The following NAALADL2 variants were observed in gnomAD, a reference collection of about 807,000 sequenced individuals.
The protein encoded by NAALADL2 is N-acetylated alpha-linked acidic dipeptidase like 2, also known as inactive N-acetylated-alpha-linked acidic dipeptidase-like protein 2.
Under a neutral mutation model 87.2 loss-of-function variants are expected in NAALADL2, and 76 were observed. That is an observed-to-expected ratio of 0.87 (90% CI 0.72 to 1.05). The LOEUF (loss-of-function observed/expected upper bound fraction) is 1.05, where lower values mean the gene tolerates loss of function less well. Among genes scored for constraint, NAALADL2 ranks in the 50% least tolerant of loss-of-function variants. The pLI is 0.00. For missense variants in NAALADL2, 1,089 were observed against 945.8 expected (o/e 1.15, Z -1.99); for synonymous variants, 354 against 331.0 (o/e 1.07, Z -0.75).
chr3:175,293,247 G>A (rs945068047), intron 4 of NAALADL2, among the ~76,000 whole-genome samples: 2 of 152,024 alleles, frequency 1.3e-5, no homozygotes, highest in Admixed American at 6.6e-5. Context: ...GATAGACATG[G>A]AGTTAAACTC....
intron 1 of NAALADL2, among the ~76,000 whole-genome samples, chr3:174,923,839 A>C (rs1735588970): frequency 6.6e-6 from 1 of 152,146 alleles, no homozygotes; most frequent in African/African-American, 2.4e-5. Context: ...GTAGAGGTAG[A>C]ATACAGAACC....
At chr3:175,411,552 A>G (rs762114195) in intron 5 of NAALADL2, among the ~76,000 whole-genome samples, 2 of 152,100 alleles carry the variant, frequency 1.3e-5, no homozygotes, top group Non-Finnish European at 2.9e-5. Flanking sequence ...AACTTGTAAT[A>G]AAATTGTATA....
At chr3:175,196,336 C>T (rs900695351) in intron 2 of NAALADL2, among the ~76,000 whole-genome samples, 12 of 151,818 alleles carry the variant, frequency 7.9e-5, no homozygotes, top group Non-Finnish European at 1.0e-4. Context: ...TAGTAAATGT[C>T]CTTTGTAAGC....
chr3:175,440,100 A>C (rs1364201577), intron 5 of NAALADL2, among the ~76,000 whole-genome samples: 2 of 152,164 alleles, frequency 1.3e-5, no homozygotes, highest in Non-Finnish European at 2.9e-5. Flanking sequence ...GTTATTCTAC[A>C]TGTGGCTTGC....
intron 1 of NAALADL2, among the ~76,000 whole-genome samples, chr3:174,535,922 C>A (rs1399857862): frequency 6.6e-6 from 1 of 151,926 alleles, no homozygotes; most frequent in Non-Finnish European, 1.5e-5. Flanking sequence ...CACTTAACAT[C>A]TGATCAAAGA....
At chr3:175,223,568 T>C (rs933757606) in intron 2 of NAALADL2, among the ~76,000 whole-genome samples, 2 of 152,138 alleles carry the variant, frequency 1.3e-5, no homozygotes, top group African/African-American at 2.4e-5. Flanking sequence ...ATCTTGACTA[T>C]CATGAAAAAC....
At chr3:175,172,313 A>C (rs1256234661) in intron 2 of NAALADL2, among the ~76,000 whole-genome samples, 5 of 152,134 alleles carry the variant, frequency 3.3e-5, no homozygotes, top group Non-Finnish European at 5.9e-5. Context: ...CCAGTAGTAA[A>C]TTTTGACCAG....
chr3:175,782,074 A>C (rs867716336), intron 13 of NAALADL2, among the ~76,000 whole-genome samples: 2 of 150,884 alleles, frequency 1.3e-5, no homozygotes, highest in Non-Finnish European at 3.0e-5. Context: ...CATGGTGTAT[A>C]TGTGCCACAT....
intron 2 of NAALADL2, among the ~76,000 whole-genome samples, chr3:174,656,880 A>G (rs1724991125): frequency 6.6e-6 from 1 of 151,832 alleles, no homozygotes; most frequent in Non-Finnish European, 1.5e-5. Flanking sequence ...TAAACTTTCT[A>G]CCTCACCCCA....
chr3:175,677,296 G>A (rs1582865936), intron 11 of NAALADL2, among the ~76,000 whole-genome samples: 1 of 152,122 alleles, frequency 6.6e-6, no homozygotes, highest in South Asian at 2.1e-4. Context: ...CCAGGAGGTG[G>A]AGGTTGCAGT....
At chr3:174,655,315 T>C (rs1247012769) in intron 2 of NAALADL2, among the ~76,000 whole-genome samples, 2 of 151,514 alleles carry the variant, frequency 1.3e-5, no homozygotes, top group African/African-American at 4.9e-5. Flanking sequence ...CCTCAATATG[T>C]ATCCTCTCAA....
At chr3:174,789,164 C>T (rs925353474) in intron 3 of NAALADL2, among the ~76,000 whole-genome samples, 1 of 152,120 alleles carries the variant, frequency 6.6e-6, no homozygotes, top group Non-Finnish European at 1.5e-5. Flanking sequence ...TGTCTTCTGA[C>T]CAGTGGTACA....
chr3:175,762,598 A>G (rs549153536), intron 13 of NAALADL2, among the ~76,000 whole-genome samples: 14 of 152,322 alleles, frequency 9.2e-5, no homozygotes, highest in Non-Finnish European at 1.8e-4. Flanking sequence ...CAAGGGAGAC[A>G]TATTTAAAAA....
chr3:174,735,901 G>C (rs1733147416), intron 2 of NAALADL2, among the ~76,000 whole-genome samples: 1 of 152,114 alleles, frequency 6.6e-6, no homozygotes, highest in Non-Finnish European at 1.5e-5. Flanking sequence ...CACACTACTG[G>C]CCTGGATCCC....
intron 1 of NAALADL2, among the ~76,000 whole-genome samples, chr3:175,003,027 A>G (rs893438558): frequency 1.3e-5 from 2 of 152,208 alleles, no homozygotes; most frequent in African/African-American, 4.8e-5. Flanking sequence ...TTAGTTTCAT[A>G]AACATTTGTA....
intron 5 of NAALADL2, among the ~76,000 whole-genome samples, chr3:175,409,291 AAG>A (rs2149084597): frequency 6.6e-6 from 1 of 152,076 alleles, no homozygotes; most frequent in Non-Finnish European, 1.5e-5. Context: ...AAAAAAAAGA[AAG>A]AAAATAAATA....
intron 1 of NAALADL2, among the ~76,000 whole-genome samples, chr3:174,860,399 A>G (rs1038954345): frequency 1.3e-5 from 2 of 151,986 alleles, no homozygotes; most frequent in Non-Finnish European, 2.9e-5. Flanking sequence ...TAAAAGATTA[A>G]TTTCAAAAGT....
At chr3:174,690,903 G>A (rs549216215) in intron 2 of NAALADL2, among the ~76,000 whole-genome samples, 1 of 152,236 alleles carries the variant, frequency 6.6e-6, no homozygotes, top group South Asian at 2.1e-4. Context: ...ACAACTGTAA[G>A]TAAAAGAGCT....
At chr3:175,152,053 CA>C (rs1252116479) in intron 2 of NAALADL2, among the ~76,000 whole-genome samples, 2 of 152,066 alleles carry the variant, frequency 1.3e-5, no homozygotes, top group African/African-American at 4.8e-5. Context: ...TAGCTGTTAT[CA>C]ACTGGGTAAT....
Sources: gnomAD v4.1 joint callset for allele counts (sites outside exome capture counted in the v4.1 genomes callset) on GRCh38, gnomAD v4.1.1 for gene constraint, MANE v1.5 for transcripts, NCBI Gene and HGNC (gene_info 2026-07-23, HGNC 2026-07-21) for gene names.